Variants in GDAP1 observed in about 807,000 individuals in gnomAD.
The protein encoded by GDAP1 is ganglioside-induced differentiation-associated protein 1.
GDAP1 carries 34 observed loss-of-function variants against 40.1 expected under a neutral mutation model. That is an observed-to-expected ratio of 0.85 (90% CI 0.64 to 1.13). The LOEUF is 1.13. Ranked by LOEUF, GDAP1 falls within the 50% of genes most tolerant of loss-of-function variation. The pLI, the probability that GDAP1 is intolerant of heterozygous loss-of-function variation, is 0.00. For synonymous variants in GDAP1, 170 were observed against 157.4 expected, an observed-to-expected ratio of 1.08 and a Z score of -0.60; for missense variants, 374 against 433.7, an observed-to-expected ratio of 0.86 and a Z score of 1.22.
chr8:74,447,553 A>G (rs945501076), intron 2 of GDAP1, among the ~76,000 whole-genome samples: 1 of 152,132 alleles, frequency 6.6e-6, no homozygotes, highest in Non-Finnish European at 1.5e-5. Flanking sequence ...CACAACACAC[A>G]GTTTCTTTAG....
chr8:74,442,351 C>G (rs1440438379), intron 2 of GDAP1, among the ~76,000 whole-genome samples: 1 of 152,196 alleles, frequency 6.6e-6, no homozygotes, highest in Admixed American at 6.5e-5. Context: ...TATTGTCATG[C>G]AAAGCTTAGT....
chr8:74,389,508 C>T (rs531098824), intron 2 of GDAP1, among the ~76,000 whole-genome samples: 16 of 152,268 alleles, frequency 1.1e-4, no homozygotes, highest in Admixed American at 6.5e-5. Flanking sequence ...TTGGCCCCCA[C>T]TCTCTCCTGG....
intron 2 of GDAP1, among the ~76,000 whole-genome samples, chr8:74,486,237 G>A (rs917780468): frequency 5.3e-5 from 8 of 152,224 alleles, no homozygotes; most frequent in African/African-American, 1.7e-4. Flanking sequence ...ACTATTATTC[G>A]TTTTTTATTT....
chr8:74,422,956 ACAT>A (rs748177380), intron 2 of GDAP1, among the ~76,000 whole-genome samples: 3 of 150,960 alleles, frequency 2.0e-5, no homozygotes, highest in South Asian at 2.1e-4. Context: ...ACTAATGATA[ACAT>A]CATCAGTTCA....
intron 2 of GDAP1, among the ~76,000 whole-genome samples, chr8:74,387,406 A>G (rs1473170095): frequency 6.6e-6 from 1 of 152,152 alleles, no homozygotes; most frequent in Non-Finnish European, 1.5e-5. Flanking sequence ...GTTGAATTTT[A>G]TCGAAGGCCT....
chr8:74,487,577 A>G (rs1806791822), intron 2 of GDAP1, among the ~76,000 whole-genome samples: 1 of 152,178 alleles, frequency 6.6e-6, no homozygotes, highest in African/African-American at 2.4e-5. Context: ...TGGGCTTGGC[A>G]GGGGTAGACC....
intron 2 of GDAP1, among the ~76,000 whole-genome samples, chr8:74,359,017 G>T (rs1809230493): frequency 6.6e-6 from 1 of 152,188 alleles, no homozygotes; most frequent in South Asian, 2.1e-4. Flanking sequence ...GACAGCCAGA[G>T]ATAGGAAGAG....
intron 2 of GDAP1, among the ~76,000 whole-genome samples, chr8:74,480,152 C>G (rs144158298): frequency 4.0e-3 from 613 of 152,080 alleles, no homozygotes; most frequent in Middle Eastern, 0.02. Flanking sequence ...CCACACCCAG[C>G]TAATTTTTTG....
chr8:74,421,262 A>G (rs1445767611), intron 2 of GDAP1, among the ~76,000 whole-genome samples: 2 of 152,196 alleles, frequency 1.3e-5, no homozygotes, highest in African/African-American at 4.8e-5. Flanking sequence ...AACATTGGAA[A>G]TAACTTAAAG....
At chr8:74,411,779 C>A (rs1805713083) in intron 2 of GDAP1, among the ~76,000 whole-genome samples, 1 of 148,218 alleles carries the variant, frequency 6.7e-6, no homozygotes. Context: ...CTACTTGGGA[C>A]ACTGAGGTAG....
chr8:74,418,407 T>C (rs1348775389), intron 2 of GDAP1, among the ~76,000 whole-genome samples: 3 of 152,208 alleles, frequency 2.0e-5, no homozygotes, highest in Admixed American at 2.0e-4. Flanking sequence ...AATTGATTTT[T>C]AACAAAGAAG....
intron 2 of GDAP1, among the ~76,000 whole-genome samples, chr8:74,393,583 G>T (rs1349702018): frequency 1.3e-5 from 2 of 152,110 alleles, no homozygotes; most frequent in Non-Finnish European, 2.9e-5. Context: ...CAAAGGGGCA[G>T]AAATTTAAAA....
intron 2 of GDAP1, among the ~76,000 whole-genome samples, chr8:74,424,625 G>A (rs748920491): frequency 1.1e-4 from 16 of 152,122 alleles, no homozygotes; most frequent in Non-Finnish European, 2.2e-4. Flanking sequence ...GCTACAGCAC[G>A]TGTTTATTTT....
chr8:74,470,645 G>T (rs1280597609), intron 2 of GDAP1, among the ~76,000 whole-genome samples: 1 of 152,164 alleles, frequency 6.6e-6, no homozygotes, highest in Non-Finnish European at 1.5e-5. Context: ...TCTTAATCCA[G>T]TCTATCATTG....
chr8:74,478,227 A>G lies in GDAP1; in HGVS notation c.166-10451A>G, dbSNP rs560580534. Among the ~76,000 whole-genome samples the G allele has an allele frequency of 3.3e-5, 5 of 152,216 alleles. No individual in the cohort carries two copies. The South Asian group carries it at 1.0e-3, about 32-fold the overall frequency. On this transcript the variant is annotated intron_variant, in intron 2 of 2. Coordinates refer to the GDAP1 transcript ENST00000523640. Reference sequence around the variant, plus strand: ...AGGGGCAGAGTGCCCTCACACTGGCAGCAGTGACATGGTCAGGTGCACGTG... The same window carrying G: ...AGGGGCAGAGTGCCCTCACACTGGCGGCAGTGACATGGTCAGGTGCACGTG...
intron 2 of GDAP1, among the ~76,000 whole-genome samples, chr8:74,468,558 G>T (rs1586844197): frequency 6.7e-6 from 1 of 149,610 alleles, no homozygotes. Context: ...CACATATATA[G>T]GTTGCTAATT....
At chr8:74,369,634 T>C (rs1809714707), downstream of GDAP1, among the ~76,000 whole-genome samples, 3 of 82,680 alleles carry the variant, frequency 3.6e-5, no homozygotes, top group African/African-American at 8.4e-5. Flanking sequence ...TGTGTGTGTG[T>C]GCATATATAT....
At chr8:74,392,410 C>G (rs1043075888) in intron 2 of GDAP1, among the ~76,000 whole-genome samples, 1 of 152,112 alleles carries the variant, frequency 6.6e-6, no homozygotes, top group Non-Finnish European at 1.5e-5. Flanking sequence ...GAATATAAAA[C>G]CTAAATGGAC....
chr8:74,444,670 A>T (rs1287048937), intron 2 of GDAP1, among the ~76,000 whole-genome samples: 1 of 152,190 alleles, frequency 6.6e-6, no homozygotes, highest in Non-Finnish European at 1.5e-5. Flanking sequence ...AGAACATGAA[A>T]CAAAACATAT....
Sources: gnomAD v4.1 joint callset for allele counts (sites outside exome capture counted in the v4.1 genomes callset) on GRCh38, gnomAD v4.1.1 for gene constraint, MANE v1.5 for transcripts, NCBI Gene and HGNC (gene_info 2026-07-23, HGNC 2026-07-21) for gene names.